ARHGAP5: variants seen among roughly 807,000 people sequenced by gnomAD.
ARHGAP5 encodes the protein Rho GTPase activating protein 5.
A neutral mutation model predicts 116.6 loss-of-function variants in ARHGAP5; 23 were observed. That is an observed-to-expected ratio of 0.20 (90% confidence interval 0.14 to 0.28). The LOEUF is 0.28. Ranked by LOEUF, ARHGAP5 falls within the 10% of genes least tolerant of loss-of-function variation. ARHGAP5 has a pLI of 1.00. For missense variants in ARHGAP5, 1,405 were observed against 1,774.8 expected (o/e 0.79, Z 3.74); for synonymous variants, 574 against 602.0 (o/e 0.95, Z 0.68).
At chr14:32,134,841 T>C (rs1412044419) in intron 3 of ARHGAP5, among the ~76,000 whole-genome samples, 3 of 152,258 alleles carry the variant, frequency 2.0e-5, no homozygotes, top group African/African-American at 7.2e-5. Context: ...TGATGTCATT[T>C]ATGCATGTCT....
intron 5 of ARHGAP5, among the ~76,000 whole-genome samples, chr14:32,150,684 A>T (rs1405581683): frequency 6.6e-6 from 1 of 152,238 alleles, no homozygotes; most frequent in African/African-American, 2.4e-5. Flanking sequence ...CCCTCATGAT[A>T]TAGTCACCTC....
intron 3 of ARHGAP5, among the ~76,000 whole-genome samples, chr14:32,130,115 A>T (rs1196333711): frequency 6.6e-6 from 1 of 151,352 alleles, no homozygotes; most frequent in African/African-American, 2.4e-5. Flanking sequence ...AAATATATAT[A>T]TATGACCACA....
chr14:32,104,347 T>C (rs976001838), intron 2 of ARHGAP5, among the ~76,000 whole-genome samples: 10 of 152,216 alleles, frequency 6.6e-5, no homozygotes, highest in Non-Finnish European at 1.3e-4. Context: ...TCTTAGAGAA[T>C]AAAGGTTCCT....
chr14:32,146,581 T>G (rs1346272829), intron 4 of ARHGAP5, among the ~76,000 whole-genome samples: 2 of 152,202 alleles, frequency 1.3e-5, no homozygotes, highest in African/African-American at 4.8e-5. Context: ...TTTTAGAGCC[T>G]TTGAATTAAG....
In ARHGAP5 at chr14:32,093,557, A is replaced by C. The variant is rs772116462; in HGVS notation, c.2888A>C (p.Asp963Ala). Residue 963 changes from aspartate (D) to alanine (A), a missense_variant, in exon 2 of 7, where the codon GAT becomes GCT. Asp to Ala is a moderately radical substitution (Grantham distance 126). This residue lies in a region of ARHGAP5 where 944 missense variants were observed against 1,095.3 expected (regional missense o/e 0.86). Transcript: ENST00000345122. Reference sequence around the variant, plus strand: ...AGGGAATCAACCCATCAAAGTGAAGATGTTTTTCTACCATCTCCCAGAGAC... The same window carrying C: ...AGGGAATCAACCCATCAAAGTGAAGCTGTTTTTCTACCATCTCCCAGAGAC... ...NTRESTHQSE[D>A]VFLPSPRDCF... 1 of 1,613,966 alleles carries C rather than the reference A, an allele frequency of 6.2e-7. No individual in the cohort carries two copies. Among genetic ancestry groups the C allele is most frequent in the Non-Finnish European group, 8.5e-7 (1 of 1,179,930 alleles).
rs1878268055 is a variant in ARHGAP5, at chr14:32,091,872, A to G, written c.1203A>G (p.Pro401=). Residue 401 remains proline (P), a synonymous_variant, in exon 2 of 7, where the codon CCA becomes CCG. Coordinates refer to ENST00000345122, the MANE Select transcript of ARHGAP5 (RefSeq NM_001030055.2). The part of the protein sequence containing the change: ...HIDKINDRRI[P]FDLLSTLEAE... ...ACAAAATTAATGATAGGCGGATTCC[A>G]TTTGACCTCCTGAGCACTTTAGAAG... 4 of 1,613,570 alleles carry G rather than the reference A, an allele frequency of 2.5e-6. No individual in the cohort carries two copies. The highest frequency in any genetic ancestry group is 3.4e-6 in the Non-Finnish European group (4 of 1,179,630).
intron 3 of ARHGAP5, among the ~76,000 whole-genome samples, chr14:32,119,152 T>G (rs1879752606): frequency 6.6e-6 from 1 of 152,120 alleles, no homozygotes; most frequent in Admixed American, 6.5e-5. Flanking sequence ...TATTAAGCAG[T>G]TTTAGCAGAA....
Position 32,094,249 on chromosome 14 carries a change from G to A in ARHGAP5, c.3580G>A (p.Gly1194Arg). 2 of 1,613,600 alleles carry A rather than the reference G, an allele frequency of 1.2e-6. No individual in the cohort carries two copies. The highest frequency in any genetic ancestry group is 4.5e-5 in the East Asian group (2 of 44,864). Residue 1194 changes from glycine (G) to arginine (R), a missense_variant, in exon 2 of 7, where the codon GGA becomes AGA. Gly to Arg is a moderately radical substitution (Grantham distance 125). This residue lies in a region of ARHGAP5 where 944 missense variants were observed against 1,095.3 expected (regional missense o/e 0.86). Transcript: ENST00000345122. ...AACAAAAAGAAAAGGAAGACATCGT[G>A]GAAGTGAAGAAGATCCACTTCTTTC... Reference protein sequence around the residue: ...SKTKRKGRHRGSEEDPLLSPV... With the variant: ...SKTKRKGRHRRSEEDPLLSPV...
At chr14:32,129,882 C>G (rs1360915132) in intron 3 of ARHGAP5, among the ~76,000 whole-genome samples, 1 of 152,052 alleles carries the variant, frequency 6.6e-6, no homozygotes, top group African/African-American at 2.4e-5. Flanking sequence ...TATAGAAAAA[C>G]AAGCCATGCA....
At chr14:32,107,660 T>C (rs751546460) in intron 2 of ARHGAP5, among the ~76,000 whole-genome samples, 3 of 152,208 alleles carry the variant, frequency 2.0e-5, no homozygotes, top group African/African-American at 4.8e-5. Context: ...CCTAGGTTTA[T>C]GGTTTGAGCA....
At chr14:32,113,789 T>G (rs1879422928) in intron 2 of ARHGAP5, among the ~76,000 whole-genome samples, 1 of 152,060 alleles carries the variant, frequency 6.6e-6, no homozygotes, top group African/African-American at 2.4e-5. Flanking sequence ...AGAAAAGGAG[T>G]TAAGAGGTGA....
intron 1 of ARHGAP5, among the ~76,000 whole-genome samples, chr14:32,085,988 C>T (rs1159897583): frequency 1.3e-5 from 2 of 152,012 alleles, no homozygotes; most frequent in South Asian, 2.1e-4. Context: ...TAATTAGTAG[C>T]TGTTATGTGG....
chr14:32,143,384 A>G (rs987424976), intron 3 of ARHGAP5, among the ~76,000 whole-genome samples: 1 of 152,086 alleles, frequency 6.6e-6, no homozygotes, highest in African/African-American at 2.4e-5. Flanking sequence ...CTGGGACTAC[A>G]GGTGCCCACC....
chr14:32,102,041 C>A (rs1033517417), intron 2 of ARHGAP5, among the ~76,000 whole-genome samples: 1 of 152,168 alleles, frequency 6.6e-6, no homozygotes, highest in Non-Finnish European at 1.5e-5. Flanking sequence ...GATAGGCTTA[C>A]ACTTTGTTGA....
intron 3 of ARHGAP5, among the ~76,000 whole-genome samples, chr14:32,127,327 G>C (rs1026759215): frequency 6.6e-6 from 1 of 152,086 alleles, no homozygotes; most frequent in Non-Finnish European, 1.5e-5. Flanking sequence ...TGCAGCCTTC[G>C]GCAGTGTTTG....
chr14:32,094,533 A>G, intron 2 of ARHGAP5, 147 bp downstream of exon 2: 1 of 562,968 alleles, frequency 1.8e-6, no homozygotes. Context: ...TTCTGTGGGG[A>G]TAAGTGATTT....
At chr14:32,120,276 G>A (rs191675348) in intron 3 of ARHGAP5, among the ~76,000 whole-genome samples, 11 of 152,034 alleles carry the variant, frequency 7.2e-5, no homozygotes, top group South Asian at 2.1e-4. Flanking sequence ...CTGTAGTGAC[G>A]TCTTTCTTCC....
At chr14:32,104,027 G>T (rs778898195) in intron 2 of ARHGAP5, among the ~76,000 whole-genome samples, 1 of 152,144 alleles carries the variant, frequency 6.6e-6, no homozygotes, top group Admixed American at 6.5e-5. Context: ...CTGAGTCAAG[G>T]TTTGGGTATT....
At chr14:32,095,645 C>G (rs1232885959) in intron 2 of ARHGAP5, among the ~76,000 whole-genome samples, 1 of 152,064 alleles carries the variant, frequency 6.6e-6, no homozygotes, top group East Asian at 1.9e-4. Flanking sequence ...CTCCTGACCT[C>G]AGATGATCCG....
Sources: allele counts gnomAD v4.1 joint callset (sites outside exome capture counted in the v4.1 genomes callset), GRCh38; gene constraint gnomAD v4.1.1; regional missense constraint gnomAD v4.1.1; transcripts MANE v1.5; gene names NCBI Gene and HGNC (gene_info 2026-07-23, HGNC 2026-07-21).